RIMS2: variants seen among roughly 807,000 people sequenced by gnomAD.
The protein encoded by RIMS2 is regulating synaptic membrane exocytosis 2.
A neutral mutation model predicts 174.4 loss-of-function variants in RIMS2; 59 were observed. The observed-to-expected ratio is 0.34, with a 90% CI of 0.27 to 0.42. The LOEUF is 0.42. RIMS2 is among the 10% of genes least tolerant of loss of function. RIMS2 has a pLI of 1.00. For synonymous variants in RIMS2, 606 were observed against 572.5 expected (o/e 1.06, Z -0.84); for missense variants, 1,620 against 1,666.3 (o/e 0.97, Z 0.48).
rs190288585 is a variant in RIMS2, at chr8:103,577,546, C to T, written c.176+76484C>T. On this transcript the variant is annotated intron_variant, in intron 1 of 23. Coordinates refer to ENST00000504942, the Ensembl canonical transcript of RIMS2. ...TGACAGGTGCAGCAAACCACCATGG[C>T]ATGTGTATACCTAGGTAACAAACCT... is the stretch of plus-strand genomic sequence containing the variant. Among the ~76,000 whole-genome samples, 239 of 152,210 alleles carry T rather than the reference C, an allele frequency of 1.6e-3. 2 individuals are homozygous for T. The highest frequency in any genetic ancestry group is 5.2e-3 in the African/African-American group (217 of 41,514).
intron 3 of RIMS2, among the ~76,000 whole-genome samples, chr8:103,856,660 C>G (rs2099029229): frequency 6.6e-6 from 1 of 152,068 alleles, no homozygotes; most frequent in South Asian, 2.1e-4. Flanking sequence ...GTTAAACAAC[C>G]AAAGCACTGA....
chr8:103,721,862 A>T (rs796308243), intron 2 of RIMS2, among the ~76,000 whole-genome samples: 23 of 152,322 alleles, frequency 1.5e-4, no homozygotes, highest in African/African-American at 5.1e-4. Flanking sequence ...AGAGTTGAGA[A>T]GAGAATAAAA....
chr8:103,999,119 T>C (rs1457964347), intron 17 of RIMS2, among the ~76,000 whole-genome samples: 1 of 151,766 alleles, frequency 6.6e-6, no homozygotes, highest in Non-Finnish European at 1.5e-5. Flanking sequence ...TGTGCCATGG[T>C]TGGTCACCTT....
At chr8:103,903,768 C>T (rs1022312891) in intron 4 of RIMS2, among the ~76,000 whole-genome samples, 1 of 152,108 alleles carries the variant, frequency 6.6e-6, no homozygotes, top group Non-Finnish European at 1.5e-5. Flanking sequence ...AAGTGATACT[C>T]TAGCCTTTTC....
intron 1 of RIMS2, among the ~76,000 whole-genome samples, chr8:103,515,805 T>C (rs1828698597): frequency 6.6e-6 from 1 of 152,134 alleles, no homozygotes; most frequent in African/African-American, 2.4e-5. Flanking sequence ...AATCTTAATT[T>C]ACCAATTTGA....
At chr8:103,538,490 T>C (rs1305650290) in intron 1 of RIMS2, among the ~76,000 whole-genome samples, 1 of 138,726 alleles carries the variant, frequency 7.2e-6, no homozygotes, top group Non-Finnish European at 1.6e-5. Context: ...CCCTCCACTC[T>C]TCCCCCCCAA....
At chr8:103,797,599 C>T (rs2098558163) in intron 3 of RIMS2, among the ~76,000 whole-genome samples, 1 of 152,160 alleles carries the variant, frequency 6.6e-6, no homozygotes, top group Non-Finnish European at 1.5e-5. Context: ...TTTGTGAAAC[C>T]ATCTTAACAT....
At chr8:103,951,741 C>T (rs1005673064) in intron 14 of RIMS2, among the ~76,000 whole-genome samples, 1 of 152,192 alleles carries the variant, frequency 6.6e-6, no homozygotes, top group African/African-American at 2.4e-5. Flanking sequence ...CCCAGAATGC[C>T]AGCAAGACAG....
chr8:103,606,072 A>T (rs2095061784), intron 1 of RIMS2, among the ~76,000 whole-genome samples: 1 of 145,550 alleles, frequency 6.9e-6, no homozygotes, highest in Non-Finnish European at 1.5e-5. Context: ...TTGCTTTTCT[A>T]GTTCTTTTAC....
chr8:103,605,866 T>C (rs1317991256), intron 1 of RIMS2, among the ~76,000 whole-genome samples: 1 of 151,330 alleles, frequency 6.6e-6, no homozygotes, highest in Non-Finnish European at 1.5e-5. Flanking sequence ...TCATTTTTTA[T>C]TGCGTCTATT....
intron 19 of RIMS2, among the ~76,000 whole-genome samples, chr8:104,141,165 A>G (rs2098565676): frequency 6.6e-6 from 1 of 152,176 alleles, no homozygotes; most frequent in East Asian, 1.9e-4. Flanking sequence ...TGATAGACAA[A>G]TGATTAGGTA....
chr8:103,948,904 T>C (rs1403193902), intron 14 of RIMS2, among the ~76,000 whole-genome samples: 1 of 151,714 alleles, frequency 6.6e-6, no homozygotes, highest in Non-Finnish European at 1.5e-5. Flanking sequence ...GGTGGGAGAA[T>C]TGATTGAGCC....
intron 1 of RIMS2, among the ~76,000 whole-genome samples, chr8:103,514,025 C>T (rs545752179): frequency 1.0e-4 from 8 of 77,244 alleles, no homozygotes; most frequent in African/African-American, 4.7e-4. Context: ...CAGCTACATG[C>T]AGCCTTTAAC....
intron 6 of RIMS2, among the ~76,000 whole-genome samples, chr8:103,915,250 A>G (rs1307389265): frequency 6.6e-6 from 1 of 152,114 alleles, no homozygotes; most frequent in Non-Finnish European, 1.5e-5. Context: ...TGTTGTTTCT[A>G]AGTTATGCAA....
At chr8:103,946,996 T>C (rs1412130983) in intron 14 of RIMS2, among the ~76,000 whole-genome samples, 1 of 152,176 alleles carries the variant, frequency 6.6e-6, no homozygotes, top group Non-Finnish European at 1.5e-5. Flanking sequence ...GGGGGAATAG[T>C]TTTTTGTTGT....
intron 4 of RIMS2, among the ~76,000 whole-genome samples, chr8:103,887,450 A>G (rs1005330162): frequency 4.0e-5 from 6 of 151,428 alleles, no homozygotes; most frequent in Non-Finnish European, 8.9e-5. Context: ...TTCATCTTTA[A>G]AAGCTCTTTA....
At chr8:103,559,775 G>A (rs66767358) in intron 1 of RIMS2, among the ~76,000 whole-genome samples, 27,745 of 152,128 alleles carry the variant, frequency 0.18, 2,780 homozygotes, top group African/African-American at 0.26. Flanking sequence ...TTAGCCTGCC[G>A]TGGTTTCAGG....
intron 3 of RIMS2, among the ~76,000 whole-genome samples, chr8:103,772,219 A>G (rs1306510221): frequency 1.3e-5 from 2 of 151,990 alleles, no homozygotes; most frequent in Non-Finnish European, 2.9e-5. Flanking sequence ...AAAAGAAAGA[A>G]CTAACACTTT....
chr8:103,532,810 T>C (rs138471021), intron 1 of RIMS2, among the ~76,000 whole-genome samples: 1 of 152,330 alleles, frequency 6.6e-6, no homozygotes, highest in African/African-American at 2.4e-5. Flanking sequence ...TATTAACTTT[T>C]TAATTACTAG....
Sources: gnomAD v4.1 joint callset for allele counts (sites outside exome capture counted in the v4.1 genomes callset) on GRCh38, gnomAD v4.1.1 for gene constraint, MANE v1.5 for transcripts, NCBI Gene and HGNC (gene_info 2026-07-23, HGNC 2026-07-21) for gene names.